The following ADARB2 variants were observed in gnomAD, a reference collection of about 807,000 sequenced individuals.
ADARB2 encodes the protein adenosine deaminase RNA specific B2 (inactive).
ADARB2 carries 25 observed loss-of-function variants against 62.2 expected under a neutral mutation model. That is an observed-to-expected ratio of 0.40 (90% CI 0.29 to 0.56). The LOEUF (loss-of-function observed/expected upper bound fraction) is 0.56, where lower values mean the gene tolerates loss of function less well. Among genes scored for constraint, ADARB2 ranks in the 20% least tolerant of loss-of-function variants. ADARB2 has a pLI of 0.43. For synonymous variants in ADARB2, 572 were observed against 500.8 expected, an observed-to-expected ratio of 1.14 and a Z score of -1.90; for missense variants, 1,071 against 1,077.4, an observed-to-expected ratio of 0.99 and a Z score of 0.08.
chr10:1,543,151 G>T (rs190824193), intron 1 of ADARB2, among the ~76,000 whole-genome samples: 2 of 152,214 alleles, frequency 1.3e-5, no homozygotes, highest in African/African-American at 2.4e-5. Flanking sequence ...TGCTCTCTGC[G>T]TTCCCACGGT....
chr10:1,354,996 C>T (rs191861668), intron 3 of ADARB2, among the ~76,000 whole-genome samples: 23 of 152,280 alleles, frequency 1.5e-4, no homozygotes, highest in African/African-American at 2.6e-4. Flanking sequence ...GCAGGTGACC[C>T]GATCCTCTCC....
intron 4 of ADARB2, among the ~76,000 whole-genome samples, chr10:1,254,365 C>T (rs1831062613): frequency 6.6e-6 from 1 of 152,170 alleles, no homozygotes; most frequent in South Asian, 2.1e-4. Context: ...TGGGTAGAAG[C>T]CTTGCTCACC....
intron 1 of ADARB2, among the ~76,000 whole-genome samples, chr10:1,498,523 A>G (rs1831721682): frequency 6.6e-6 from 1 of 152,186 alleles, no homozygotes; most frequent in Admixed American, 6.5e-5. Flanking sequence ...TTTATAAACA[A>G]GAGAAATTCC....
chr10:1,737,129 C>T lies in ADARB2; in HGVS notation c.22G>A (p.Gly8Ser). 4 of 1,609,554 alleles carry T rather than the reference C, an allele frequency of 2.5e-6. No homozygotes were observed. The highest frequency in any genetic ancestry group is 3.4e-6 in the Non-Finnish European group (4 of 1,179,896). ...CTGCTCAGCCCTCCAGACCCTCTGC[C>T]GCTCCCCAGGACCGAGGCCATGGCC... Reference protein sequence around the residue: MASVLGSGRGSGGLSSQL... With the variant: MASVLGSSRGSGGLSSQL... The change falls in exon 1 of 10, where the codon GGC becomes AGC. Residue 8 changes from glycine to serine, a missense_variant. Coordinates refer to ENST00000381312, the MANE Select transcript of ADARB2 (RefSeq NM_018702.4).
intron 8 of ADARB2, among the ~76,000 whole-genome samples, chr10:1,186,025 G>A (rs1174856682): frequency 6.6e-6 from 1 of 152,224 alleles, no homozygotes; most frequent in Non-Finnish European, 1.5e-5. Context: ...GAAACTCCAG[G>A]GGGCACCTGC....
intron 1 of ADARB2, among the ~76,000 whole-genome samples, chr10:1,653,443 TG>T (rs1273719023): frequency 6.6e-6 from 1 of 151,682 alleles, no homozygotes; most frequent in Non-Finnish European, 1.5e-5. Context: ...CCAGGAATGT[TG>T]GGGGGCCCAG....
chr10:1,684,838 G>T (rs80318943), intron 1 of ADARB2, among the ~76,000 whole-genome samples: 1 of 152,222 alleles, frequency 6.6e-6, no homozygotes, highest in Non-Finnish European at 1.5e-5. Flanking sequence ...TCAGGAATGC[G>T]TGAGTTCTGA....
intron 1 of ADARB2, among the ~76,000 whole-genome samples, chr10:1,549,485 G>A (rs1832581426): frequency 6.6e-6 from 1 of 152,076 alleles, no homozygotes; most frequent in African/African-American, 2.4e-5. Context: ...GGTGAGCAGG[G>A]TGCCCGGGGT....
At chr10:1,394,603 C>T (rs565071098) in intron 1 of ADARB2, among the ~76,000 whole-genome samples, 13 of 152,302 alleles carry the variant, frequency 8.5e-5, no homozygotes, top group South Asian at 6.2e-4. Context: ...TGGAATTTCA[C>T]GGAGGTTCGT....
rs761373140 is a variant in ADARB2, at chr10:1,242,194, G to A, written c.1298C>T (p.Ala433Val). The change falls in exon 5 of 10, where the codon GCG (alanine) becomes GTG (valine). Residue 433 changes from alanine to valine, a missense_variant. Coordinates refer to ENST00000381312, the MANE Select transcript of ADARB2 (RefSeq NM_018702.4). The stretch of plus-strand genomic sequence containing the variant: ...GAACGCCCGCCGGGCCACGACCTCC[G>A]CGTGGCAGTCATTCACCACCAGCCC... ...DQGLVVNDCH[A>V]EVVARRAFLH... 13 of 1,610,222 alleles carry A rather than the reference G, an allele frequency of 8.1e-6. No homozygotes were observed. The highest frequency in any genetic ancestry group is 1.1e-5 in the Non-Finnish European group (13 of 1,179,326).
chr10:1,307,566 C>A (rs1589187630), intron 3 of ADARB2, among the ~76,000 whole-genome samples: 1 of 143,646 alleles, frequency 7.0e-6, no homozygotes, highest in East Asian at 2.2e-4. Context: ...TTGACCCAGC[C>A]ATCCCATTAC....
At chr10:1,196,399 G>A (rs547839602) in intron 8 of ADARB2, among the ~76,000 whole-genome samples, 1 of 151,916 alleles carries the variant, frequency 6.6e-6, no homozygotes, top group South Asian at 2.1e-4. Context: ...CCTGGATTAT[G>A]CTGATCAATT....
At chr10:1,692,970 C>T (rs1834692349) in intron 1 of ADARB2, among the ~76,000 whole-genome samples, 1 of 152,150 alleles carries the variant, frequency 6.6e-6, no homozygotes, top group African/African-American at 2.4e-5. Flanking sequence ...CAGCCTCTAA[C>T]CTATACTGGA....
chr10:1,328,605 G>GGGA (rs1831898833), intron 3 of ADARB2, among the ~76,000 whole-genome samples: 1 of 152,092 alleles, frequency 6.6e-6, no homozygotes, highest in Non-Finnish European at 1.5e-5. Context: ...TCCTGGGAGT[G>GGGA]TTTACAGAAC....
chr10:1,210,280 A>G (rs1837132112), intron 7 of ADARB2, among the ~76,000 whole-genome samples: 1 of 152,262 alleles, frequency 6.6e-6, no homozygotes, highest in Non-Finnish European at 1.5e-5. Context: ...TCATTTTAAT[A>G]CATGAAAGTG....
chr10:1,693,312 C>T (rs1834696416), intron 1 of ADARB2, among the ~76,000 whole-genome samples: 1 of 152,132 alleles, frequency 6.6e-6, no homozygotes. Context: ...GCCGCCATGT[C>T]TAGCCTTGAG....
At chr10:1,251,153 C>G (rs567524426) in intron 4 of ADARB2, among the ~76,000 whole-genome samples, 4 of 151,816 alleles carry the variant, frequency 2.6e-5, no homozygotes, top group African/African-American at 9.7e-5. Flanking sequence ...CATCTTTACC[C>G]ATAATTGCCA....
At chr10:1,694,886 G>A (rs1012707579) in intron 1 of ADARB2, among the ~76,000 whole-genome samples, 5 of 152,038 alleles carry the variant, frequency 3.3e-5, no homozygotes, top group Non-Finnish European at 5.9e-5. Flanking sequence ...GAAGCAGAGG[G>A]GGCACCTGAG....
At chr10:1,566,762 T>C (rs1328489185) in intron 1 of ADARB2, among the ~76,000 whole-genome samples, 1 of 152,262 alleles carries the variant, frequency 6.6e-6, no homozygotes, top group Non-Finnish European at 1.5e-5. Flanking sequence ...ATATTGTTTA[T>C]CTACATATAA....
Sources: gnomAD v4.1 joint callset for allele counts (sites outside exome capture counted in the v4.1 genomes callset) on GRCh38, gnomAD v4.1.1 for gene constraint, MANE v1.5 for transcripts, NCBI Gene and HGNC (gene_info 2026-07-23, HGNC 2026-07-21) for gene names.